Variants in ROBO2 observed in about 807,000 individuals in gnomAD.
ROBO2 encodes the protein roundabout guidance receptor 2.
ROBO2 carries 53 observed loss-of-function variants against 160.8 expected under a neutral mutation model. That is an observed-to-expected ratio of 0.33 (90% CI 0.26 to 0.41). The LOEUF is 0.41. Among genes scored for constraint, ROBO2 ranks in the 10% least tolerant of loss-of-function variants. The probability of loss-of-function intolerance (pLI) is 1.00; values close to 1 mark genes in which losing one functional copy is unlikely to be tolerated. For synonymous variants in ROBO2, 664 were observed against 611.7 expected (o/e 1.09, Z -1.26); for missense variants, 1,577 against 1,722.4 (o/e 0.92, Z 1.49).
At chr3:76,435,202 T>TA (rs2076615267) in intron 2 of ROBO2, 1 of 1,405,680 alleles carries the variant, frequency 7.1e-7, no homozygotes, top group Admixed American at 1.7e-5. Context: ...AAAGTTCAGG[T>TA]AATGGGTAAA....
intron 2 of ROBO2, among the ~76,000 whole-genome samples, chr3:76,338,188 T>A (rs2074008157): frequency 6.6e-6 from 1 of 152,162 alleles, no homozygotes; most frequent in Non-Finnish European, 1.5e-5. Context: ...CATACCCAAC[T>A]TTACATACCC....
intron 2 of ROBO2, among the ~76,000 whole-genome samples, chr3:77,170,911 G>C (rs1273444841): frequency 6.6e-6 from 1 of 152,108 alleles, no homozygotes; most frequent in Admixed American, 6.5e-5. Flanking sequence ...GAGATAGTAA[G>C]TGCAAAATAC....
chr3:76,587,089 T>C (rs1284510032), intron 2 of ROBO2, among the ~76,000 whole-genome samples: 2 of 152,094 alleles, frequency 1.3e-5, no homozygotes, highest in Non-Finnish European at 2.9e-5. Flanking sequence ...GGAAGGGGGG[T>C]AGATAGACTT....
At chr3:76,406,280 AC>A (rs1299493467) in intron 2 of ROBO2, among the ~76,000 whole-genome samples, 4 of 151,876 alleles carry the variant, frequency 2.6e-5, no homozygotes, top group Non-Finnish European at 5.9e-5. Context: ...GTTTTGTGAA[AC>A]ATCCACAGTG....
intron 2 of ROBO2, among the ~76,000 whole-genome samples, chr3:76,988,731 A>G (rs1361841576): frequency 2.6e-5 from 4 of 152,122 alleles, no homozygotes; most frequent in Non-Finnish European, 4.4e-5. Context: ...AATGCCTCTG[A>G]TCCTTTGCTC....
chr3:76,091,758 T>G (rs1271485405), intron 2 of ROBO2, among the ~76,000 whole-genome samples: 4 of 152,000 alleles, frequency 2.6e-5, no homozygotes, highest in South Asian at 2.1e-4. Flanking sequence ...TGAAAAGAAA[T>G]AAACTATCAA....
chr3:76,949,557 C>G (rs557268349), intron 2 of ROBO2, among the ~76,000 whole-genome samples: 2 of 152,170 alleles, frequency 1.3e-5, no homozygotes, highest in Admixed American at 6.5e-5. Flanking sequence ...AAGGGCTTCT[C>G]CCCTGTTTCC....
At chr3:77,347,153 C>T (rs2067745321) in intron 2 of ROBO2, among the ~76,000 whole-genome samples, 1 of 152,036 alleles carries the variant, frequency 6.6e-6, no homozygotes, top group South Asian at 2.1e-4. Context: ...AAGTTTAGTT[C>T]TCAGTGACAC....
At chr3:76,273,658 G>T (rs900264070) in intron 2 of ROBO2, among the ~76,000 whole-genome samples, 2 of 152,022 alleles carry the variant, frequency 1.3e-5, no homozygotes, top group African/African-American at 4.8e-5. Flanking sequence ...ACGATCATGA[G>T]AACTCACTCA....
intron 2 of ROBO2, among the ~76,000 whole-genome samples, chr3:77,118,569 C>G (rs558944074): frequency 2.0e-4 from 31 of 152,200 alleles, no homozygotes; most frequent in Non-Finnish European, 3.5e-4. Context: ...CACTCTATTT[C>G]GCTTGATGCC....
At chr3:77,413,710 C>G (rs2076985118) in intron 2 of ROBO2, among the ~76,000 whole-genome samples, 1 of 152,044 alleles carries the variant, frequency 6.6e-6, no homozygotes, top group Admixed American at 6.6e-5. Flanking sequence ...TTCCATCACT[C>G]TATGTGAGGA....
intron 2 of ROBO2, among the ~76,000 whole-genome samples, chr3:76,849,189 C>T (rs1051516837): frequency 1.3e-5 from 2 of 152,048 alleles, no homozygotes; most frequent in African/African-American, 4.8e-5. Context: ...TAATTTCCCA[C>T]CAGGAAAATA....
intron 2 of ROBO2, among the ~76,000 whole-genome samples, chr3:76,310,672 G>T (rs901400975): frequency 6.6e-6 from 1 of 152,068 alleles, no homozygotes; most frequent in Admixed American, 6.5e-5. Context: ...CTGAATCCTC[G>T]TCTATCCACA....
intron 2 of ROBO2, among the ~76,000 whole-genome samples, chr3:76,344,159 T>G (rs1288597444): frequency 1.3e-5 from 2 of 152,160 alleles, no homozygotes; most frequent in Non-Finnish European, 2.9e-5. Context: ...GAAGATAATT[T>G]ATTTGTTTGA....
At chr3:77,533,037 T>C (rs1362061398) in intron 6 of ROBO2, among the ~76,000 whole-genome samples, 1 of 152,192 alleles carries the variant, frequency 6.6e-6, no homozygotes, top group Non-Finnish European at 1.5e-5. Flanking sequence ...GGTTCCTATC[T>C]GATTATTCAT....
rs374765501 is a variant in ROBO2 at position 77,074,523 on chromosome 3, T to G, written c.62-23491T>G. On this transcript the variant is annotated intron_variant, in intron 1 of 25. Coordinates refer to ENST00000461745, the Ensembl canonical transcript of ROBO2. Reference sequence around the variant, plus strand: ...ACATTAGGGAATCTATTAGTTCACCTAGTTTGCTGACAGATGTTTCCTTTA... The same window carrying G: ...ACATTAGGGAATCTATTAGTTCACCGAGTTTGCTGACAGATGTTTCCTTTA... 9.8e-5 allele frequency among the ~76,000 whole-genome samples: 15 copies of G among 152,326 alleles called. No individual in the cohort carries two copies. In the South Asian group the frequency reaches 3.1e-3, roughly 32 times the overall value.
intron 2 of ROBO2, among the ~76,000 whole-genome samples, chr3:76,745,100 A>G (rs1283249358): frequency 6.6e-6 from 1 of 152,130 alleles, no homozygotes; most frequent in Non-Finnish European, 1.5e-5. Flanking sequence ...TCTTTCCTTA[A>G]GTATATTTGA....
chr3:77,628,253 T>A (rs979709303), intron 23 of ROBO2, among the ~76,000 whole-genome samples: 3 of 152,164 alleles, frequency 2.0e-5, no homozygotes, highest in Non-Finnish European at 4.4e-5. Context: ...GTCAAATTGG[T>A]ATGGAGTGCT....
intron 15 of ROBO2, among the ~76,000 whole-genome samples, chr3:77,578,383 T>C (rs2093824579): frequency 6.6e-6 from 1 of 152,094 alleles, no homozygotes; most frequent in South Asian, 2.1e-4. Context: ...ATTGATATCA[T>C]TTATTAATAA....
Sources: gnomAD v4.1 joint callset for allele counts (sites outside exome capture counted in the v4.1 genomes callset) on GRCh38, gnomAD v4.1.1 for gene constraint, MANE v1.5 for transcripts, NCBI Gene and HGNC (gene_info 2026-07-23, HGNC 2026-07-21) for gene names.